The following PTPRS variants were observed in gnomAD, a reference collection of about 807,000 sequenced individuals.
PTPRS encodes the protein receptor-type tyrosine-protein phosphatase S.
In PTPRS, 63 loss-of-function variants were observed where a neutral mutation model predicts 215.3. The ratio of observed to expected loss-of-function variants is 0.29; its 90% CI spans 0.24 to 0.36. PTPRS has a LOEUF of 0.36. Ranked by LOEUF, PTPRS falls within the 10% of genes least tolerant of loss-of-function variation. The pLI, the probability that PTPRS is intolerant of heterozygous loss-of-function variation, is 1.00. For missense variants in PTPRS, 2,258 were observed against 2,825.8 expected (o/e 0.80, Z 4.56); for synonymous variants, 1,404 against 1,191.4 (o/e 1.18, Z -3.68).
Position 5,231,543 on chromosome 19 carries a change from G to A in PTPRS, c.1922C>T (p.Pro641Leu), listed in dbSNP as rs755739102. Residue 641 changes from proline to leucine, a missense_variant, in exon 14 of 38, where the codon CCG becomes CTG. By Grantham distance (98) the Pro-to-Leu change is moderately conservative. Coordinates refer to ENST00000262963, the MANE Select transcript of PTPRS (RefSeq NM_002850.4). ...RSTAILVSWR[P>L]PPPETHNGAL... ...CCCGTTGTGCGTTTCCGGCGGCGGCGGGCGCCAACTTACCAAAATGGCCGT... is the reference window on the plus strand; with the variant it reads ...CCCGTTGTGCGTTTCCGGCGGCGGCAGGCGCCAACTTACCAAAATGGCCGT... 5.0e-6 allele frequency: 8 copies of A among 1,609,910 alleles called. No individual in the cohort carries two copies. The highest frequency in any genetic ancestry group is 1.1e-5 in the South Asian group (1 of 90,862).
At position 5,287,692 on chromosome 19, in the gene PTPRS, C is replaced by T. The variant is rs957748517; in HGVS notation, c.-94-1458G>A. ...GCGGTCACCTCGCCCAGCCCTGGGG[C>T]GGTCCCAGGGGAAGGATGGGCGGGT... is the stretch of plus-strand genomic sequence containing the variant. On this transcript the variant is annotated intron_variant, in intron 1 of 37. Transcript: ENST00000262963. The surrounding 1 kb of genome is among the most constrained non-coding windows in gnomAD (Gnocchi z 4.8). Among the ~76,000 whole-genome samples, 3 of 152,108 alleles carry T rather than the reference C, an allele frequency of 2.0e-5. No homozygotes were observed. The highest frequency in any genetic ancestry group is 7.2e-5 in the African/African-American group (3 of 41,440).
At chr19:5,218,648 G>C in intron 24 of PTPRS, 116 bp from the exon 25 acceptor site, 3 of 1,513,620 alleles carry the variant, frequency 2.0e-6, no homozygotes, top group Non-Finnish European at 2.8e-6. Context: ...GTATGACTAG[G>C]GTTTCCAGGA....
chr19:5,332,891 G>A (rs954011141), intron 1 of PTPRS, among the ~76,000 whole-genome samples: 25 of 152,252 alleles, frequency 1.6e-4, no homozygotes, highest in Non-Finnish European at 3.2e-4. Flanking sequence ...GCTCACGCCT[G>A]TAATCCCGGC....
At chr19:5,321,804 G>A (rs922876278) in intron 1 of PTPRS, among the ~76,000 whole-genome samples, 3 of 151,914 alleles carry the variant, frequency 2.0e-5, no homozygotes, top group Non-Finnish European at 4.4e-5. Flanking sequence ...TCAGCTATTT[G>A]CCCAAGCCCT....
At chr19:5,243,272 C>T (rs996442886) in intron 11 of PTPRS, among the ~76,000 whole-genome samples, 5 of 151,752 alleles carry the variant, frequency 3.3e-5, no homozygotes, top group Admixed American at 3.3e-4. Context: ...GCTGGGATTA[C>T]AGGCACCCGC....
In PTPRS at chr19:5,257,319, T is replaced by C. The variant is rs2045634212; in HGVS notation, c.706+698A>G. ...CTGAGTGGGAATTGGAAACTGAGAG[T>C]AACAAGCTTCGCTGGGTGCCGTGCC... On this transcript the variant is annotated intron_variant, in intron 8 of 37. Transcript: ENST00000262963. This position sits in a 1 kb window ranked among gnomAD's most constrained non-coding sequence, Gnocchi z 4.4. 2.4e-6 allele frequency: 1 copy of C among 416,180 alleles called. No individual in the cohort carries two copies. The highest frequency in any genetic ancestry group is 4.9e-6 in the Non-Finnish European group (1 of 202,816). The allele number at this position is 416,180 out of a possible 1,614,324, so 25.8% of individuals were successfully genotyped here.
At chr19:5,297,193 G>GGGA (rs1191665689) in intron 1 of PTPRS, among the ~76,000 whole-genome samples, 3 of 152,186 alleles carry the variant, frequency 2.0e-5, no homozygotes, top group Non-Finnish European at 4.4e-5. Context: ...GCTGCCCTTG[G>GGGA]GGAGGAACAC....
chr19:5,225,449 T>C (rs1012612803), intron 17 of PTPRS, among the ~76,000 whole-genome samples: 4 of 149,948 alleles, frequency 2.7e-5, no homozygotes, highest in African/African-American at 7.4e-5. Flanking sequence ...CAAGTAAAGG[T>C]TGAGAGGGCA....
rs369714869 is a variant in PTPRS, at chr19:5,239,164, G to GGGGA, written c.1705-102_1705-101insTCCC. The stretch of plus-strand genomic sequence containing the variant: ...AGAGACAGAAACAGAGGGGGGAGGG[G>GGGGA]GAGAGAGAGAGAGAGAGAGAGAGAC... On this transcript the variant is annotated intron_variant, in intron 12 of 37. Coordinates refer to ENST00000262963, the MANE Select transcript of PTPRS (RefSeq NM_002850.4). 12 of 433,652 alleles carry GGGGA rather than the reference G, an allele frequency of 2.8e-5. No homozygotes were observed. In the East Asian group the frequency reaches 4.3e-4, roughly 15 times the overall value. 26.9% of individuals were successfully genotyped at this position (433,652 alleles called of 1,614,324 possible). A position where few individuals can be genotyped will look rare whatever the true frequency, so the allele number is the denominator to read the frequency against.
chr19:5,253,884 G>A (rs1290136619), intron 9 of PTPRS, among the ~76,000 whole-genome samples: 2 of 152,180 alleles, frequency 1.3e-5, no homozygotes, highest in Non-Finnish European at 2.9e-5. Context: ...TTAGTTCAAT[G>A]AAATCCTTTC....
rs147784971 is a variant in PTPRS at position 5,231,478 on chromosome 19, A to G, written c.1987T>C (p.Ser663Pro). 5.6e-6 allele frequency: 9 copies of G among 1,612,632 alleles called. No individual in the cohort carries two copies. The highest frequency in any genetic ancestry group is 1.7e-5 in the Admixed American group (1 of 59,982). ...GYSVRYRPLG[S>P]EDPEPKEVNG... The stretch of plus-strand genomic sequence containing the variant: ...ACCTCCTTGGGTTCCGGGTCCTCTG[A>G]GCCCAGCGGTCGGTAGCGGACGCTG... Residue 663 changes from serine (S) to proline (P), a missense_variant, in exon 14 of 38, where the codon TCA becomes CCA. Ser to Pro is a moderately conservative substitution (Grantham distance 74, BLOSUM62 -1). Coordinates refer to ENST00000262963, the MANE Select transcript of PTPRS (RefSeq NM_002850.4).
chr19:5,322,253 G>A (rs1209081712), intron 1 of PTPRS, among the ~76,000 whole-genome samples: 1 of 152,214 alleles, frequency 6.6e-6, no homozygotes, highest in Admixed American at 6.5e-5. Flanking sequence ...GTGACACACA[G>A]CCCTGTTGGT....
chr19:5,256,190 C>T, intron 8 of PTPRS, 71 bp from the exon 9 acceptor site: 1 of 1,295,814 alleles, frequency 7.7e-7, no homozygotes, highest in Non-Finnish European at 1.0e-6. Flanking sequence ...AGGGGAGATA[C>T]AGAGAGTAAA....
At chr19:5,274,398 AG>A (rs2047180766) in intron 2 of PTPRS, 54 bp from the exon 3 acceptor site, 1 of 1,544,728 alleles carries the variant, frequency 6.5e-7, no homozygotes, top group African/African-American at 1.4e-5. Context: ...GCATCTGGCT[AG>A]GATACCAAGG....
At chr19:5,226,130 C>A (rs2042476472) in intron 16 of PTPRS, among the ~76,000 whole-genome samples, 1 of 152,226 alleles carries the variant, frequency 6.6e-6, no homozygotes, top group Admixed American at 6.5e-5. Context: ...CTGTCCTCCC[C>A]ACAGCAGCCA....
At chr19:5,275,453 C>G (rs1459415966) in intron 2 of PTPRS, among the ~76,000 whole-genome samples, 2 of 151,720 alleles carry the variant, frequency 1.3e-5, no homozygotes, top group African/African-American at 4.8e-5. Flanking sequence ...GTGGCACGGT[C>G]TTGGCTCACT....
chr19:5,285,809 C>T (rs1038689039), intron 2 of PTPRS, among the ~76,000 whole-genome samples: 3 of 152,184 alleles, frequency 2.0e-5, no homozygotes, highest in African/African-American at 7.2e-5. Context: ...GAAACAGACG[C>T]CGTCATCATC....
chr19:5,284,376 AAAATAAATAAATAAAT>A (rs367661299), intron 2 of PTPRS, among the ~76,000 whole-genome samples: 87 of 119,582 alleles, frequency 7.3e-4, no homozygotes, highest in African/African-American at 1.1e-3. Flanking sequence ...TTAATTAATT[AAAATAAATAAATAAAT>A]AAATAAATAA....
chr19:5,228,999 G>A (rs542968376), intron 16 of PTPRS, among the ~76,000 whole-genome samples: 2 of 152,334 alleles, frequency 1.3e-5, no homozygotes, highest in African/African-American at 2.4e-5. Flanking sequence ...GCAGGAGAAG[G>A]ACCCAGGAGG....
Sources: gnomAD v4.1 joint callset for allele counts (sites outside exome capture counted in the v4.1 genomes callset) on GRCh38, gnomAD v4.1.1 for gene constraint, Gnocchi (gnomAD v3.1) non-coding constraint, MANE v1.5 for transcripts, NCBI Gene and HGNC (gene_info 2026-07-23, HGNC 2026-07-21) for gene names.